Variants in EIF4E1B observed in about 807,000 individuals in gnomAD.
EIF4E1B encodes eukaryotic translation initiation factor 4E type 1B.
EIF4E1B carries 22 observed loss-of-function variants against 31.3 expected under a neutral mutation model. The observed-to-expected ratio is 0.70, with a 90% CI of 0.50 to 1.00. The LOEUF is 1.00. EIF4E1B is among the 50% of genes least tolerant of loss of function. EIF4E1B has a pLI of 0.00. For synonymous variants in EIF4E1B, 126 were observed against 120.2 expected, an observed-to-expected ratio of 1.05 and a Z score of -0.31; for missense variants, 290 against 311.6, an observed-to-expected ratio of 0.93 and a Z score of 0.52.
In EIF4E1B at chr5:176,645,219, G is replaced by A. The variant is rs1429857091; in HGVS notation, c.450G>A (p.Glu150=). The A allele has an allele frequency of 6.3e-7, 1 of 1,593,082 alleles. No homozygotes were observed. The highest frequency in any genetic ancestry group is 1.8e-5 in the Admixed American group (1 of 56,040). ...TGGCCAAGCAGCAGCGCCACATTGA[G>A]CTGGACCGGCTGTGGCTGGAGACGG... is the stretch of plus-strand genomic sequence containing the variant. ...VSLAKQQRHI[E]LDRLWLETLL... The change falls in exon 7 of 9, where the codon GAG becomes GAA. Residue 150 remains glutamate, a synonymous_variant. Coordinates refer to ENST00000318682, the MANE Select transcript of EIF4E1B (RefSeq NM_001099408.2). The surrounding 1 kb of genome is among the most constrained non-coding windows in gnomAD (Gnocchi z 5.4).
chr5:176,637,275 T>C (rs556233734), intron 1 of EIF4E1B, among the ~76,000 whole-genome samples: 9 of 152,206 alleles, frequency 5.9e-5, no homozygotes, highest in Middle Eastern at 3.4e-3. Context: ...TCTGTCTCTA[T>C]TAAAAACACA....
chr5:176,637,763 T>C (rs1343614162), intron 1 of EIF4E1B, among the ~76,000 whole-genome samples: 1 of 152,070 alleles, frequency 6.6e-6, no homozygotes, highest in Non-Finnish European at 1.5e-5. Context: ...GAGGAGGGCC[T>C]TGTGGGCTCC....
intron 1 of EIF4E1B, among the ~76,000 whole-genome samples, chr5:176,631,433 A>G (rs1463062971): frequency 6.6e-6 from 1 of 152,198 alleles, no homozygotes; most frequent in African/African-American, 2.4e-5. Flanking sequence ...CCCAGAGGAA[A>G]GGGACTCTGA....
At chr5:176,637,647 A>G in intron 1 of EIF4E1B, among the ~76,000 whole-genome samples, 1 of 152,066 alleles carries the variant, frequency 6.6e-6, no homozygotes, top group East Asian at 1.9e-4. Flanking sequence ...AAGTGAGGGG[A>G]CAGCCTCTGG....
At chr5:176,634,709 G>A (rs1429370216) in intron 1 of EIF4E1B, among the ~76,000 whole-genome samples, 1 of 126,992 alleles carries the variant, frequency 7.9e-6, no homozygotes, top group Non-Finnish European at 1.6e-5. Context: ...TTGCTGTGAT[G>A]CCCAGGCTAG....
At position 176,646,010 on chromosome 5, in the gene EIF4E1B, G is replaced by A. The variant is rs764372571; in HGVS notation, c.*30G>A. 1 of 1,550,700 alleles carries A rather than the reference G, an allele frequency of 6.4e-7. No homozygotes were observed. Among genetic ancestry groups the A allele is most frequent in the Admixed American group, 1.9e-5 (1 of 52,140 alleles). ...GGCCTTGGCACCCCTCCTATGTAATGGGACAGCCGCCACTGAGCCTCATTA... is the reference window on the plus strand; with the variant it reads ...GGCCTTGGCACCCCTCCTATGTAATAGGACAGCCGCCACTGAGCCTCATTA... On this transcript the variant is annotated 3_prime_UTR_variant, in exon 9 of 9. Transcript: ENST00000318682.
chr5:176,644,297 A>G (rs1760652371), intron 5 of EIF4E1B, 79 bp from the exon 6 acceptor site: 1 of 1,435,966 alleles, frequency 7.0e-7, no homozygotes. Context: ...TCGGATGAGG[A>G]GTTGGGAGGG....
At chr5:176,643,029 G>A (rs1294328935) in intron 3 of EIF4E1B, 53 bp from the exon 4 acceptor site, 21 of 1,554,966 alleles carry the variant, frequency 1.4e-5, no homozygotes, top group Non-Finnish European at 1.8e-5. Context: ...GTGGGCACAG[G>A]GACAGCCAGG....
chr5:176,643,168 G>T lies in EIF4E1B; in HGVS notation c.102G>T (p.Lys34Asn), dbSNP rs369219894. 56 of 1,613,802 alleles carry T rather than the reference G, an allele frequency of 3.5e-5. 1 individual carries two copies. The African/African-American group carries it at 5.7e-4, about 17-fold the overall frequency. The change falls in exon 4 of 9, where the codon AAG becomes AAT. Residue 34 changes from lysine to asparagine, a missense_variant. By Grantham distance (94) the Lys-to-Asn change is moderately conservative (BLOSUM62 0). Transcript: ENST00000318682. ...EAAERTPTGE[K>N]SPNSPRTLLS... ...CAGAGAGGACGCCCACAGGAGAAAA[G>T]TCTCCAAACTCTCCCAGGACTTTGC...
At chr5:176,633,871 G>A (rs576340865) in intron 1 of EIF4E1B, among the ~76,000 whole-genome samples, 25 of 152,256 alleles carry the variant, frequency 1.6e-4, no homozygotes, top group Non-Finnish European at 2.4e-4. Context: ...GGGGCCAAAC[G>A]GAGATGGGTT....
At chr5:176,632,823 C>T (rs576336432) in intron 1 of EIF4E1B, among the ~76,000 whole-genome samples, 6 of 152,356 alleles carry the variant, frequency 3.9e-5, no homozygotes, top group African/African-American at 1.4e-4. Flanking sequence ...AACCCACCTT[C>T]CCCTCTGAGA....
At chr5:176,642,863 C>CT (rs1554151082) in intron 3 of EIF4E1B, 61 bp downstream of exon 3, 84,047 of 1,242,272 alleles carry the variant, frequency 0.068, 1,227 homozygotes, top group Non-Finnish European at 0.076. Flanking sequence ...CCCCCCCCCC[C>CT]CCGCCCCAGG....
chr5:176,639,851 G>A (rs1401719539), intron 1 of EIF4E1B, among the ~76,000 whole-genome samples: 2 of 152,106 alleles, frequency 1.3e-5, no homozygotes, highest in Non-Finnish European at 2.9e-5. Context: ...GAGCCAAGGA[G>A]TTTGAGGCTG....
At chr5:176,634,658 A>C (rs919842268) in intron 1 of EIF4E1B, among the ~76,000 whole-genome samples, 1 of 147,730 alleles carries the variant, frequency 6.8e-6, no homozygotes, top group African/African-American at 2.5e-5. Flanking sequence ...CAATTCCTGA[A>C]GTTTTTTTTT....
chr5:176,642,941 T>A (rs1484696739), intron 3 of EIF4E1B, 139 bp downstream of exon 3: 1 of 1,416,720 alleles, frequency 7.1e-7, no homozygotes, highest in South Asian at 1.3e-5. Flanking sequence ...GGGTCCTCCA[T>A]GGAGTTTGAG....
At position 176,644,201 on chromosome 5, in the gene EIF4E1B, A is replaced by G. The variant is rs1306031620; in HGVS notation, c.297-175A>G. On this transcript the variant is annotated intron_variant, in intron 5 of 8. Coordinates refer to ENST00000318682, the MANE Select transcript of EIF4E1B (RefSeq NM_001099408.2). ...AGCCTTCACTGGGAAGGCTCTGTGGAAAAGGTGGGTCTTGAGAGTTTGGAT... is the reference window on the plus strand; with the variant it reads ...AGCCTTCACTGGGAAGGCTCTGTGGGAAAGGTGGGTCTTGAGAGTTTGGAT... 5 of 657,750 alleles carry G rather than the reference A, an allele frequency of 7.6e-6. No individual in the cohort carries two copies. The Admixed American group carries it at 1.5e-4, about 20-fold the overall frequency. 40.7% of individuals were successfully genotyped at this position (657,750 alleles called of 1,614,324 possible).
chr5:176,645,991 G>T lies in EIF4E1B; in HGVS notation c.*11G>T, dbSNP rs772964599. 11 of 1,587,832 alleles carry T rather than the reference G, an allele frequency of 6.9e-6. No individual in the cohort carries two copies. Among genetic ancestry groups the T allele is most frequent in the Non-Finnish European group, 9.4e-6 (11 of 1,167,216 alleles). The stretch of plus-strand genomic sequence containing the variant: ...AAGTTTGTGGTGTGAGGGGGGCCTT[G>T]GCACCCCTCCTATGTAATGGGACAG... On this transcript the variant is annotated 3_prime_UTR_variant, in exon 9 of 9. Transcript: ENST00000318682. This position sits in a 1 kb window ranked among gnomAD's most constrained non-coding sequence, Gnocchi z 5.4.
At chr5:176,632,666 T>C (rs1760425649) in intron 1 of EIF4E1B, among the ~76,000 whole-genome samples, 1 of 152,206 alleles carries the variant, frequency 6.6e-6, no homozygotes, top group Non-Finnish European at 1.5e-5. Context: ...TCCTTACTGG[T>C]GCTGTTTGAT....
intron 1 of EIF4E1B, among the ~76,000 whole-genome samples, chr5:176,635,583 T>C (rs1760479679): frequency 6.6e-6 from 1 of 152,168 alleles, no homozygotes; most frequent in African/African-American, 2.4e-5. Flanking sequence ...AAGCAGGCAT[T>C]TATTCTTTCA....
Sources: gnomAD v4.1 joint callset for allele counts (sites outside exome capture counted in the v4.1 genomes callset) on GRCh38, gnomAD v4.1.1 for gene constraint, Gnocchi (gnomAD v3.1) non-coding constraint, MANE v1.5 for transcripts, NCBI Gene and HGNC (gene_info 2026-07-23, HGNC 2026-07-21) for gene names.